TMEM94: variants seen among roughly 807,000 people sequenced by gnomAD.
The protein encoded by TMEM94 is transmembrane protein 94.
In TMEM94, 81 loss-of-function variants were observed where a neutral mutation model predicts 158.6. The observed-to-expected ratio is 0.51, with a 90% CI of 0.43 to 0.61. The LOEUF (loss-of-function observed/expected upper bound fraction) is 0.61. TMEM94 is among the 20% of genes least tolerant of loss of function. The pLI, the probability that TMEM94 is intolerant of heterozygous loss-of-function variation, is 0.00. For synonymous variants in TMEM94, 751 were observed against 730.7 expected (o/e 1.03, Z -0.45); for missense variants, 1,435 against 1,762.0 (o/e 0.81, Z 3.32).
chr17:75,493,946 G>A (rs1412617404), intron 18 of TMEM94, 30 bp downstream of exon 18: 6 of 1,587,714 alleles, frequency 3.8e-6, no homozygotes, highest in Non-Finnish European at 5.1e-6. Flanking sequence ...AGCGGGGCTG[G>A]TGCTGGGGCT....
At position 75,491,699 on chromosome 17, in the gene TMEM94, A is replaced by G; in HGVS notation, c.1395A>G (p.Glu465=). Residue 465 remains glutamate, a synonymous_variant, in exon 14 of 32, where the codon GAA becomes GAG. Coordinates refer to ENST00000314256, the MANE Select transcript of TMEM94 (RefSeq NM_014738.6). The surrounding 1 kb of genome is among the most constrained non-coding windows in gnomAD (Gnocchi z 5.1). ...TRSFCHPEPH[E]RDALLAGSLN... ...CTCCTCATTCTCTTCAGCCCCATGAACGAGACGCCCTCCTGGCTGGCTCCC... is the reference window on the plus strand; with the variant it reads ...CTCCTCATTCTCTTCAGCCCCATGAGCGAGACGCCCTCCTGGCTGGCTCCC... The G allele has an allele frequency of 5.0e-6, 8 of 1,613,968 alleles. No homozygotes were observed. Among genetic ancestry groups the G allele is most frequent in the Non-Finnish European group, 6.8e-6 (8 of 1,180,006 alleles).
intron 6 of TMEM94, among the ~76,000 whole-genome samples, chr17:75,488,479 G>A (rs1471896790): frequency 6.6e-5 from 10 of 152,064 alleles, no homozygotes; most frequent in Non-Finnish European, 1.3e-4. Flanking sequence ...ATGGGGTTTC[G>A]GCATGTTGGC....
chr17:75,477,153 G>A (rs1359955724), intron 2 of TMEM94, among the ~76,000 whole-genome samples: 1 of 152,180 alleles, frequency 6.6e-6, no homozygotes, highest in Non-Finnish European at 1.5e-5. Flanking sequence ...CCAGGGTGGG[G>A]AGGATTTTTT....
Position 75,493,638 on chromosome 17 carries a change from C to T in TMEM94, c.2189+45C>T, listed in dbSNP as rs202091547. 2.3e-5 allele frequency: 37 copies of T among 1,611,998 alleles called. No individual in the cohort carries two copies. The Admixed American group carries it at 3.2e-4, about 14-fold the overall frequency. On this transcript the variant is annotated intron_variant, in intron 17 of 31. Coordinates refer to ENST00000314256, the MANE Select transcript of TMEM94 (RefSeq NM_014738.6). ...CCAGCAGCAAGAGCAGTCGCGCTGCCGGGGCACCTGCCCTTCACAGGCAGG... is the reference window on the plus strand; with the variant it reads ...CCAGCAGCAAGAGCAGTCGCGCTGCTGGGGCACCTGCCCTTCACAGGCAGG...
At chr17:75,470,650 A>G (rs2050462293) in intron 1 of TMEM94, among the ~76,000 whole-genome samples, 1 of 151,782 alleles carries the variant, frequency 6.6e-6, no homozygotes. Flanking sequence ...GCTTGCAGTG[A>G]GCCGAGATCG....
At chr17:75,465,275 G>C (rs376692464) in intron 1 of TMEM94, among the ~76,000 whole-genome samples, 1 of 152,018 alleles carries the variant, frequency 6.6e-6, no homozygotes, top group African/African-American at 2.4e-5. Context: ...GCCTCCCAAA[G>C]TGCTGAAATT....
intron 16 of TMEM94, 31 bp from the exon 17 acceptor site, chr17:75,493,460 C>T (rs940349502): frequency 3.7e-6 from 6 of 1,601,442 alleles, no homozygotes; most frequent in East Asian, 2.2e-5. Context: ...GGCTGGTTAG[C>T]GACACTCAGG....
intron 18 of TMEM94, 112 bp from the exon 19 acceptor site, chr17:75,494,515 G>T: frequency 9.8e-7 from 1 of 1,019,676 alleles, no homozygotes; most frequent in Non-Finnish European, 1.4e-6. Context: ...GGCTGTGTGT[G>T]GTCCCCTGGG....
In TMEM94 at chr17:75,492,978, G is replaced by T. The variant is rs750899192; in HGVS notation, c.1962G>T (p.Ala654=). Reference sequence around the variant, plus strand: ...TTTTCAAGCAGGAGAACCATCTGGCGCTGTACCGCCTCCCCAGTGCCGAGA... The same window carrying T: ...TTTTCAAGCAGGAGAACCATCTGGCTCTGTACCGCCTCCCCAGTGCCGAGA... ...KELFKQENHL[A]LYRLPSAETM... The change falls in exon 16 of 32, where the codon GCG becomes GCT. Residue 654 remains alanine (A), a synonymous_variant. Coordinates refer to ENST00000314256, the MANE Select transcript of TMEM94 (RefSeq NM_014738.6). The surrounding 1 kb of genome is among the most constrained non-coding windows in gnomAD (Gnocchi z 4.4). 6.2e-7 allele frequency: 1 copy of T among 1,613,776 alleles called. No homozygotes were observed. The highest frequency in any genetic ancestry group is 8.5e-7 in the Non-Finnish European group (1 of 1,180,020).
Position 75,488,906 on chromosome 17 carries a change from A to G in TMEM94, c.760A>G (p.Ile254Val), listed in dbSNP as rs2146644887. Residue 254 changes from isoleucine to valine, a missense_variant, in exon 7 of 32, where the codon ATC becomes GTC. Physicochemically the swap from Ile to Val is conservative, Grantham distance 29. Transcript: ENST00000314256. ...CCTTGAGACCCCTGTGATTGACAACATCAGGTAGGGGTGCTGCCCCGCCTC... is the reference window on the plus strand; with the variant it reads ...CCTTGAGACCCCTGTGATTGACAACGTCAGGTAGGGGTGCTGCCCCGCCTC... ...RVLETPVIDN[I>V]RWCLDMALSR... is the part of the protein sequence containing the mutation. 4 of 1,581,088 alleles carry G rather than the reference A, an allele frequency of 2.5e-6. No individual in the cohort carries two copies. The highest frequency in any genetic ancestry group is 3.4e-6 in the Non-Finnish European group (4 of 1,161,430).
Position 75,497,815 on chromosome 17 carries a change from A to C in TMEM94, c.3442A>C (p.Ile1148Leu). Reference protein sequence around the residue: ...SLLGKPPHSSIMSMATGKNLQ... With the variant: ...SLLGKPPHSSLMSMATGKNLQ... Reference sequence around the variant, plus strand: ...GCTGGGGAAGCCCCCCCATAGCTCCATCATGTCTATGGCAACGGGGAAAAA... The same window carrying C: ...GCTGGGGAAGCCCCCCCATAGCTCCCTCATGTCTATGGCAACGGGGAAAAA... Residue 1148 changes from isoleucine to leucine, a missense_variant, in exon 27 of 32, where the codon ATC (isoleucine) becomes CTC (leucine). By Grantham distance (5) the Ile-to-Leu change is conservative. Around this residue, in one of 3 missense-constraint regions of TMEM94, gnomAD observed 335 missense variants for 409.1 expected, o/e 0.82. Transcript: ENST00000314256. 1 of 1,613,984 alleles carries C rather than the reference A, an allele frequency of 6.2e-7. No individual in the cohort carries two copies. The highest frequency in any genetic ancestry group is 8.5e-7 in the Non-Finnish European group (1 of 1,179,974).
At chr17:75,490,194 C>G (rs376847504) in intron 9 of TMEM94, 40 bp from the exon 10 acceptor site, 2 of 1,610,348 alleles carry the variant, frequency 1.2e-6, no homozygotes, top group African/African-American at 2.7e-5. Context: ...TCCCCAGGCC[C>G]GGAGCTCAGG....
chr17:75,491,998 C>T lies in TMEM94; in HGVS notation c.1596+98C>T, dbSNP rs368830113. ...GCCTCACAAGGTCTGAAAGAGCAGG[C>T]GTCTCTGCCCTCTGTCCCAGCACCT... On this transcript the variant is annotated intron_variant, in intron 14 of 31. Transcript: ENST00000314256. The surrounding 1 kb of genome is among the most constrained non-coding windows in gnomAD (Gnocchi z 5.1). The T allele has an allele frequency of 3.8e-5, 46 of 1,219,436 alleles. No individual in the cohort carries two copies. The East Asian group carries it at 7.6e-4, about 20-fold the overall frequency. 75.5% of individuals were successfully genotyped at this position (1,219,436 alleles called of 1,614,324 possible).
At position 75,488,088 on chromosome 17, in the gene TMEM94, C is replaced by T; in HGVS notation, c.566C>T (p.Ala189Val). 1.2e-6 allele frequency: 2 copies of T among 1,614,192 alleles called. No individual in the cohort carries two copies. Among genetic ancestry groups the T allele is most frequent in the Non-Finnish European group, 8.5e-7 (1 of 1,180,028 alleles). ...VSLLVEGDIIALRPGQESFAS... is the reference protein window; with the variant it reads ...VSLLVEGDIIVLRPGQESFAS... ...CTGCTGGTTGAAGGAGACATCATAG[C>T]TTTGAGGCCTGGCCAGGAATCGTTT... The change falls in exon 6 of 32, where the codon GCT becomes GTT. Residue 189 changes from alanine (A) to valine (V), a missense_variant. By Grantham distance (64) the Ala-to-Val change is moderately conservative (BLOSUM62 0). Around this residue, in one of 3 missense-constraint regions of TMEM94, gnomAD observed 1,051 missense variants for 1,254.4 expected, o/e 0.84. Transcript: ENST00000314256.
At position 75,493,766 on chromosome 17, in the gene TMEM94, C is replaced by A; in HGVS notation, c.2257C>A (p.Pro753Thr). The A allele has an allele frequency of 6.2e-7, 1 of 1,614,138 alleles. No individual in the cohort carries two copies. The highest frequency in any genetic ancestry group is 1.1e-5 in the South Asian group (1 of 91,084). Residue 753 changes from proline (P) to threonine (T), a missense_variant, in exon 18 of 32, where the codon CCC becomes ACC. By Grantham distance (38) the Pro-to-Thr change is conservative. Around this residue, in one of 3 missense-constraint regions of TMEM94, gnomAD observed 1,051 missense variants for 1,254.4 expected, o/e 0.84. Transcript: ENST00000314256. ...SGYCSAFAYK[P>T]MNCALSSQLN... Reference sequence around the variant, plus strand: ...GTATTGCTCTGCCTTCGCCTACAAGCCCATGAACTGCGCCCTGTCCTCTCA... The same window carrying A: ...GTATTGCTCTGCCTTCGCCTACAAGACCATGAACTGCGCCCTGTCCTCTCA...
chr17:75,466,204 T>G (rs1180195828), intron 1 of TMEM94, among the ~76,000 whole-genome samples: 2 of 152,206 alleles, frequency 1.3e-5, no homozygotes, highest in Non-Finnish European at 2.9e-5. Context: ...TATTATAGTT[T>G]TAACCTTTAT....
chr17:75,482,609 A>T (rs528010468), intron 2 of TMEM94, among the ~76,000 whole-genome samples: 1 of 152,280 alleles, frequency 6.6e-6, no homozygotes, highest in Non-Finnish European at 1.5e-5. Context: ...ATTTTGGTTC[A>T]GTAGGTCCGG....
intron 2 of TMEM94, chr17:75,476,515 G>C (rs2146310357): frequency 1.4e-6 from 2 of 1,404,778 alleles, no homozygotes; most frequent in East Asian, 5.3e-5. Context: ...TCAGCAGATT[G>C]AAGCTCTGCT....
At position 75,477,419 on chromosome 17, in the gene TMEM94, AG is replaced by A. The variant is rs2050761742; in HGVS notation, c.24+5495del. Reference sequence around the variant, plus strand: ...TGACGACGACAGTGGGGACCCAGAGAGGGGGCCAGGCCTGAAATGGAGTCTC... The same window carrying A: ...TGACGACGACAGTGGGGACCCAGAGAGGGGCCAGGCCTGAAATGGAGTCTC... On this transcript the variant is annotated intron_variant, in intron 2 of 31. Transcript: ENST00000314256. Among the ~76,000 whole-genome samples, 3 of 151,976 alleles carry A rather than the reference AG, an allele frequency of 2.0e-5. 1 individual carries two copies. In the South Asian group the frequency reaches 6.2e-4, roughly 32 times the overall value.
Sources: allele counts gnomAD v4.1 joint callset (sites outside exome capture counted in the v4.1 genomes callset), GRCh38; gene constraint gnomAD v4.1.1; regional missense constraint gnomAD v4.1.1; non-coding constraint Gnocchi (gnomAD v3.1); transcripts MANE v1.5; gene names NCBI Gene and HGNC (gene_info 2026-07-23, HGNC 2026-07-21).